ANK3: variants seen among roughly 807,000 people sequenced by gnomAD.
ANK3 encodes ankyrin 3.
Under a neutral mutation model 370.9 loss-of-function variants are expected in ANK3, and 57 were observed. The ratio of observed to expected loss-of-function variants is 0.15; its 90% confidence interval spans 0.12 to 0.19. ANK3 has a LOEUF of 0.19. ANK3 is among the 10% of genes least tolerant of loss of function. The probability of loss-of-function intolerance (pLI) is 1.00; values close to 1 mark genes in which losing one functional copy is unlikely to be tolerated. For synonymous variants in ANK3, 1,929 were observed against 1,946.3 expected (o/e 0.99, Z 0.23); for missense variants, 4,439 against 5,302.1 (o/e 0.84, Z 5.06).
chr10:60,520,564 G>C (rs1001389646), intron 2 of ANK3, among the ~76,000 whole-genome samples: 2 of 152,116 alleles, frequency 1.3e-5, no homozygotes, highest in Non-Finnish European at 2.9e-5. Flanking sequence ...CTTCTAAGAG[G>C]CCTGCTCAGT....
intron 7 of ANK3, among the ~76,000 whole-genome samples, chr10:60,240,822 C>T (rs904530708): frequency 6.6e-6 from 1 of 152,180 alleles, no homozygotes; most frequent in Non-Finnish European, 1.5e-5. Flanking sequence ...GAACTTCTGA[C>T]GTCAAGTGAT....
intron 1 of ANK3, among the ~76,000 whole-genome samples, chr10:60,305,738 G>A (rs1233986974): frequency 6.6e-6 from 1 of 152,120 alleles, no homozygotes; most frequent in Non-Finnish European, 1.5e-5. Context: ...CCCCTGGCCA[G>A]GACATTTTGT....
At position 60,068,695 on chromosome 10, in the gene ANK3, T is replaced by A; in HGVS notation, c.12186A>T (p.Ala4062=). The A allele has an allele frequency of 2.5e-6, 4 of 1,614,054 alleles. No homozygotes were observed. Among genetic ancestry groups the A allele is most frequent in the Non-Finnish European group, 3.4e-6 (4 of 1,179,934 alleles). ...CCTTTTCACTCTTTGATTTTAAAGG[T>A]GCTGCCTCTGTTTTCTTATCTCTAG... ...KSARDKKTEA[A]PLKSKSEKAG... Residue 4062 remains alanine (A), a synonymous_variant, in exon 37 of 44, where the codon GCA becomes GCT. Coordinates refer to ENST00000280772, the MANE Select transcript of ANK3 (RefSeq NM_020987.5).
chr10:60,696,668 T>C (rs1213720568), intron 1 of ANK3, among the ~76,000 whole-genome samples: 4 of 148,390 alleles, frequency 2.7e-5, no homozygotes, highest in East Asian at 3.9e-4. Context: ...ATTATCTCAA[T>C]AGATGCAGAA....
intron 1 of ANK3, among the ~76,000 whole-genome samples, chr10:60,374,357 G>A (rs186014693): frequency 6.6e-6 from 1 of 152,266 alleles, no homozygotes; most frequent in Non-Finnish European, 1.5e-5. Context: ...TAAAATAATA[G>A]TTAAGATGAA....
At chr10:60,194,122 A>T (rs992218491) in intron 16 of ANK3, among the ~76,000 whole-genome samples, 3 of 152,370 alleles carry the variant, frequency 2.0e-5, no homozygotes, top group African/African-American at 2.4e-5. Flanking sequence ...CTCCGTCTCA[A>T]AAAAAAGAAA....
chr10:60,654,484 G>T (rs931435557), intron 1 of ANK3, among the ~76,000 whole-genome samples: 1 of 152,094 alleles, frequency 6.6e-6, no homozygotes, highest in Non-Finnish European at 1.5e-5. Flanking sequence ...TATCTGTTGT[G>T]AGTGTTTATT....
chr10:60,543,811 A>G (rs1230180444), intron 2 of ANK3, among the ~76,000 whole-genome samples: 1 of 152,034 alleles, frequency 6.6e-6, no homozygotes, highest in East Asian at 1.9e-4. Flanking sequence ...CAATTGTCAA[A>G]ACCTTCAAAG....
In ANK3 at chr10:60,708,952, C is replaced by T. The variant is rs58376489; in HGVS notation, c.57+24311G>A. On this transcript the variant is annotated intron_variant, in intron 1 of 43. Coordinates refer to the ANK3 transcript ENST00000373827. ...ACTATAGGATATTTCAGCCACCACA[C>T]CAAAGCTACATCAAACAGTAAACAC... Among the ~76,000 whole-genome samples the T allele has an allele frequency of 8.2e-3, 1,251 of 152,232 alleles. 14 individuals are homozygous for T. The highest frequency in any genetic ancestry group is 0.029 in the African/African-American group (1,189 of 41,544).
chr10:60,622,883 T>G (rs1182316866), intron 1 of ANK3, among the ~76,000 whole-genome samples: 1 of 152,208 alleles, frequency 6.6e-6, no homozygotes, highest in African/African-American at 2.4e-5. Context: ...CTATATGTAG[T>G]GTCAAATGCT....
intron 2 of ANK3, among the ~76,000 whole-genome samples, chr10:60,530,150 T>C (rs559154328): frequency 6.6e-5 from 10 of 152,274 alleles, no homozygotes; most frequent in African/African-American, 2.4e-4. Context: ...GGCAGTGGTT[T>C]CTGTTGGGTA....
intron 2 of ANK3, among the ~76,000 whole-genome samples, chr10:60,465,608 T>G (rs549746355): frequency 6.6e-6 from 1 of 152,248 alleles, no homozygotes; most frequent in Admixed American, 6.5e-5. Flanking sequence ...AGAGGGATAT[T>G]GAAAGGCTAG....
At chr10:60,582,659 T>C (rs1296642239) in intron 2 of ANK3, among the ~76,000 whole-genome samples, 1 of 148,674 alleles carries the variant, frequency 6.7e-6, no homozygotes, top group Non-Finnish European at 1.5e-5. Flanking sequence ...ATTATTTTTA[T>C]ATAATATATT....
chr10:60,698,145 GA>G (rs1321963600), intron 1 of ANK3, among the ~76,000 whole-genome samples: 1 of 151,744 alleles, frequency 6.6e-6, no homozygotes, highest in Non-Finnish European at 1.5e-5. Flanking sequence ...AAAAAAACAT[GA>G]AAAAATGCTC....
chr10:60,700,846 C>T (rs2079536607), intron 1 of ANK3, among the ~76,000 whole-genome samples: 1 of 151,842 alleles, frequency 6.6e-6, no homozygotes, highest in Non-Finnish European at 1.5e-5. Context: ...TAGAAGATAA[C>T]CTGAGTGAGT....
At chr10:60,538,716 A>G (rs2076779275) in intron 2 of ANK3, among the ~76,000 whole-genome samples, 1 of 151,922 alleles carries the variant, frequency 6.6e-6, no homozygotes, top group African/African-American at 2.4e-5. Flanking sequence ...CTGCATTTAA[A>G]ACTTCTAAAG....
intron 2 of ANK3, among the ~76,000 whole-genome samples, chr10:60,609,386 A>G (rs368939444): frequency 1.3e-5 from 2 of 152,240 alleles, no homozygotes; most frequent in African/African-American, 4.8e-5. Flanking sequence ...GCATTACCCA[A>G]GTTAGGACCA....
chr10:60,074,716 A>G lies in ANK3; in HGVS notation c.6165T>C (p.Asp2055=), dbSNP rs371593854. The change falls in exon 37 of 44, where the codon GAT becomes GAC. Residue 2055 remains aspartate (D), a synonymous_variant. Transcript: ENST00000280772. ...SLTNLKYKFE[D]AKKDGEERQK... The stretch of plus-strand genomic sequence containing the variant: ...GTCTCTCCTCACCATCCTTCTTTGC[A>G]TCCTCAAACTTGTATTTTAAGTTTG... 2.9e-5 allele frequency: 46 copies of G among 1,613,590 alleles called. No homozygotes were observed. The highest frequency in any genetic ancestry group is 3.8e-5 in the Non-Finnish European group (45 of 1,179,942).
intron 2 of ANK3, among the ~76,000 whole-genome samples, chr10:60,535,943 C>T (rs1370031554): frequency 6.7e-6 from 1 of 148,466 alleles, no homozygotes; most frequent in Non-Finnish European, 1.5e-5. Flanking sequence ...AAAAAAAAAT[C>T]ACAAATAGTA....
Sources: allele counts gnomAD v4.1 joint callset (sites outside exome capture counted in the v4.1 genomes callset), GRCh38; gene constraint gnomAD v4.1.1; transcripts MANE v1.5; gene names NCBI Gene and HGNC (gene_info 2026-07-23, HGNC 2026-07-21).